Variants in SHANK2 observed in about 807,000 individuals in gnomAD.
SHANK2 encodes the protein SH3 and multiple ankyrin repeat domains protein 2.
A neutral mutation model predicts 133.7 loss-of-function variants in SHANK2; 43 were observed. The observed-to-expected ratio is 0.32, with a 90% confidence interval of 0.25 to 0.41. The LOEUF is 0.41. Ranked by LOEUF, SHANK2 falls within the 10% of genes least tolerant of loss-of-function variation. The pLI is 1.00. For missense variants in SHANK2, 1,994 were observed against 2,235.8 expected (o/e 0.89, Z 2.18); for synonymous variants, 1,017 against 952.8 (o/e 1.07, Z -1.24).
intron 11 of SHANK2, among the ~76,000 whole-genome samples, chr11:70,823,315 G>C (rs372584722): frequency 1.9e-4 from 18 of 92,536 alleles, no homozygotes; most frequent in East Asian, 3.7e-4. Flanking sequence ...AGAGGTGGCG[G>C]TGGCAGAGTT....
At chr11:70,501,733 T>C (rs2059056142) in intron 20 of SHANK2, among the ~76,000 whole-genome samples, 190 bp downstream of exon 20, 1 of 152,218 alleles carries the variant, frequency 6.6e-6, no homozygotes, top group Admixed American at 6.5e-5. Context: ...CTAAGCCTGC[T>C]GTGCAGACCA....
chr11:70,876,442 C>T (rs1949566445), intron 11 of SHANK2, among the ~76,000 whole-genome samples: 1 of 151,590 alleles, frequency 6.6e-6, no homozygotes, highest in Non-Finnish European at 1.5e-5. Flanking sequence ...CACCTATAGT[C>T]CCAGCTACTC....
chr11:70,921,483 T>A (rs1208436352), intron 10 of SHANK2, among the ~76,000 whole-genome samples: 2 of 152,242 alleles, frequency 1.3e-5, no homozygotes, highest in Admixed American at 6.5e-5. Flanking sequence ...AGGGGAGTTG[T>A]CTGGGCTAGA....
intron 9 of SHANK2, among the ~76,000 whole-genome samples, chr11:71,069,241 T>C (rs1460105238): frequency 7.0e-6 from 1 of 142,868 alleles, no homozygotes; most frequent in East Asian, 2.2e-4. Context: ...CCATCACCAT[T>C]ACCATGGTTA....
In SHANK2 at chr11:71,171,862, G is replaced by A. The variant is rs183389031; in HGVS notation, c.-12-24524C>T. ...GTTTAACCAGGATCACTGCCTTAGAGGCCCCATTCTCAAAGACAGTTGCGA... is the reference window on the plus strand; with the variant it reads ...GTTTAACCAGGATCACTGCCTTAGAAGCCCCATTCTCAAAGACAGTTGCGA... On this transcript the variant is annotated intron_variant, in intron 2 of 25. Coordinates refer to ENST00000601538, the MANE Select transcript of SHANK2 (RefSeq NM_012309.5). Among the ~76,000 whole-genome samples the A allele has an allele frequency of 1.4e-4, 22 of 152,306 alleles. No individual in the cohort carries two copies. The East Asian group carries it at 4.1e-3, about 28-fold the overall frequency.
chr11:70,722,587 A>G (rs1307109753), intron 14 of SHANK2, among the ~76,000 whole-genome samples: 10 of 152,224 alleles, frequency 6.6e-5, no homozygotes, highest in South Asian at 4.1e-4. Flanking sequence ...ATTTTATTCT[A>G]TAAGAATTTC....
At chr11:70,562,354 TCC>T (rs2059916766) in intron 17 of SHANK2, among the ~76,000 whole-genome samples, 1 of 152,226 alleles carries the variant, frequency 6.6e-6, no homozygotes, top group Non-Finnish European at 1.5e-5. Context: ...TCTGTACACT[TCC>T]ATCAGTTACA....
chr11:70,491,764 C>G (rs1215910676), intron 22 of SHANK2, among the ~76,000 whole-genome samples: 8 of 152,198 alleles, frequency 5.3e-5, no homozygotes, highest in African/African-American at 1.9e-4. Context: ...CAGCCTCTGC[C>G]CCAGGCCCTT....
intron 1 of SHANK2, among the ~76,000 whole-genome samples, chr11:71,239,109 G>A (rs1459176673): frequency 7.2e-5 from 11 of 152,242 alleles, no homozygotes; most frequent in Non-Finnish European, 1.5e-4. Flanking sequence ...GGGAGGGGCC[G>A]CCAGGCAGGC....
At chr11:70,558,080 T>G (rs2059856739) in intron 17 of SHANK2, among the ~76,000 whole-genome samples, 1 of 152,146 alleles carries the variant, frequency 6.6e-6, no homozygotes, top group African/African-American at 2.4e-5. Context: ...CCGGGGTCCA[T>G]GCTCTCTGGC....
rs901119343 is a variant in SHANK2, at chr11:70,932,814, C to T, written c.1108-36247G>A. On this transcript the variant is annotated intron_variant, in intron 10 of 25. Transcript: ENST00000601538. ...TTGAAAAGCACAGCATACCACTTCA[C>T]GTGAATTAGCATGGCTACTACATAG... Among the ~76,000 whole-genome samples, 5 of 152,146 alleles carry T rather than the reference C, an allele frequency of 3.3e-5. No individual in the cohort carries two copies. The East Asian group carries it at 7.7e-4, about 23-fold the overall frequency.
rs551332398 is a variant in SHANK2 at position 70,796,649 on chromosome 11, G to T, written c.1777+1794C>A. On this transcript the variant is annotated intron_variant, in intron 14 of 25. Transcript: ENST00000601538. The stretch of plus-strand genomic sequence containing the variant: ...GGGTGGGTGTGGACCAGGGGTGGAC[G>T]GGCAATGGCAGGGCTTGGAGGTCTG... Among the ~76,000 whole-genome samples the T allele has an allele frequency of 2.0e-5, 3 of 152,328 alleles. No homozygotes were observed. The East Asian group carries it at 5.8e-4, about 29-fold the overall frequency.
At chr11:71,062,081 A>C (rs1445512097) in intron 9 of SHANK2, among the ~76,000 whole-genome samples, 1 of 146,570 alleles carries the variant, frequency 6.8e-6, no homozygotes, top group African/African-American at 2.5e-5. Flanking sequence ...GCAGCCTCTC[A>C]AGTAGCTAGG....
At chr11:70,831,975 A>G (rs1948733426) in intron 11 of SHANK2, among the ~76,000 whole-genome samples, 1 of 152,206 alleles carries the variant, frequency 6.6e-6, no homozygotes, top group African/African-American at 2.4e-5. Context: ...GGAATAGCAC[A>G]ACTTACCCCA....
chr11:71,224,484 C>A (rs61887418), intron 2 of SHANK2, among the ~76,000 whole-genome samples: 1 of 152,226 alleles, frequency 6.6e-6, no homozygotes, highest in Non-Finnish European at 1.5e-5. Flanking sequence ...GAGGCATAGT[C>A]CCTTTCATAT....
At chr11:71,100,667 GA>G (rs1441712733) in intron 6 of SHANK2, among the ~76,000 whole-genome samples, 1 of 152,116 alleles carries the variant, frequency 6.6e-6, no homozygotes, top group African/African-American at 2.4e-5. Flanking sequence ...AGGAGATCGA[GA>G]CCATCCTGGT....
chr11:70,504,706 T>G (rs1249387886), intron 17 of SHANK2, among the ~76,000 whole-genome samples: 2 of 152,084 alleles, frequency 1.3e-5, no homozygotes, highest in Non-Finnish European at 2.9e-5. Flanking sequence ...CTGGGGGCTG[T>G]TCCTTTCACT....
intron 8 of SHANK2, among the ~76,000 whole-genome samples, chr11:71,086,522 TAATATAAATA>T (rs1951422135): frequency 7.1e-6 from 1 of 141,066 alleles, no homozygotes; most frequent in African/African-American, 2.6e-5. Context: ...ATATAATATA[TAATATAAATA>T]TATATAAATA....
intron 10 of SHANK2, among the ~76,000 whole-genome samples, chr11:71,055,793 G>A (rs2135915936): frequency 7.0e-6 from 1 of 142,566 alleles, no homozygotes; most frequent in East Asian, 2.2e-4. Context: ...GGGGGAGGGG[G>A]AGTGGGGAGT....
Sources: allele counts gnomAD v4.1 joint callset (sites outside exome capture counted in the v4.1 genomes callset), GRCh38; gene constraint gnomAD v4.1.1; transcripts MANE v1.5; gene names NCBI Gene and HGNC (gene_info 2026-07-23, HGNC 2026-07-21).